NPEPL1: variants seen among roughly 807,000 people sequenced by gnomAD.
NPEPL1 encodes probable aminopeptidase NPEPL1.
Under a neutral mutation model 52.4 loss-of-function variants are expected in NPEPL1, and 45 were observed. The observed-to-expected ratio is 0.86, with a 90% CI of 0.68 to 1.10. The LOEUF is 1.10. Ranked by LOEUF, NPEPL1 falls within the 50% of genes least tolerant of loss-of-function variation. NPEPL1 has a pLI of 0.00. For synonymous variants in NPEPL1, 360 were observed against 314.7 expected (o/e 1.14, Z -1.52); for missense variants, 696 against 710.9 (o/e 0.98, Z 0.24).
chr20:58,706,777 T>C (rs1465539698), intron 6 of NPEPL1, among the ~76,000 whole-genome samples: 3 of 152,114 alleles, frequency 2.0e-5, no homozygotes, highest in African/African-American at 2.4e-5. Flanking sequence ...GGGGTCCCTG[T>C]TTCAATGTCA....
intron 7 of NPEPL1, among the ~76,000 whole-genome samples, chr20:58,710,479 G>A (rs992120906): frequency 1.7e-4 from 26 of 149,930 alleles, no homozygotes; most frequent in African/African-American, 5.3e-4. Flanking sequence ...GGGTGTTAGC[G>A]ACCCTCCAAG....
intron 4 of NPEPL1, 137 bp downstream of exon 4, chr20:58,698,910 C>T: frequency 1.4e-6 from 1 of 737,506 alleles, no homozygotes; most frequent in Non-Finnish European, 2.2e-6. Flanking sequence ...CGGCGGAGCG[C>T]TGCTGTCTGC....
chr20:58,714,425 C>A, intron 10 of NPEPL1, 135 bp from the exon 11 acceptor site: 1 of 653,356 alleles, frequency 1.5e-6, no homozygotes, highest in South Asian at 2.0e-5. Context: ...AGCCCAGCTT[C>A]TGCTGCCTCC....
intron 1 of NPEPL1, 157 bp from the exon 2 acceptor site, chr20:58,693,580 G>A (rs1284173045): frequency 3.2e-6 from 2 of 619,280 alleles, no homozygotes; most frequent in Non-Finnish European, 5.6e-6. Flanking sequence ...GCAGAGAGGC[G>A]ACACATCTCC....
chr20:58,705,658 G>A, intron 6 of NPEPL1: 3 of 428,064 alleles, frequency 7.0e-6, no homozygotes, highest in Non-Finnish European at 9.6e-6. Context: ...AACATATGGG[G>A]GCTGGTGAAA....
intron 6 of NPEPL1, chr20:58,703,422 A>C: frequency 1.0e-6 from 1 of 967,376 alleles, no homozygotes; most frequent in Non-Finnish European, 1.2e-6. Flanking sequence ...CGCCACAGAT[A>C]GTGCACCCCC....
chr20:58,695,428 G>T (rs2084467395), intron 3 of NPEPL1, among the ~76,000 whole-genome samples: 1 of 150,556 alleles, frequency 6.6e-6, no homozygotes, highest in African/African-American at 2.4e-5. Context: ...AGGCTGCAAG[G>T]CCGGAAGTGA....
chr20:58,700,139 C>T lies in NPEPL1; in HGVS notation c.679+861C>T, dbSNP rs778305902. On this transcript the variant is annotated intron_variant, in intron 5 of 11. Transcript: ENST00000356091. ...CCACCCTCCGAGCAAGGTCTCTGAGCGAGAGATAGGGATAAAGAGCGAGCA... is the reference window on the plus strand; with the variant it reads ...CCACCCTCCGAGCAAGGTCTCTGAGTGAGAGATAGGGATAAAGAGCGAGCA... Among the ~76,000 whole-genome samples, 6 of 152,174 alleles carry T rather than the reference C, an allele frequency of 3.9e-5. No individual in the cohort carries two copies. The South Asian group carries it at 6.2e-4, about 16-fold the overall frequency.
At chr20:58,714,304 G>T (rs2084913317) in intron 10 of NPEPL1, 2 of 625,534 alleles carry the variant, frequency 3.2e-6, no homozygotes, top group East Asian at 3.0e-5. Context: ...ACAGCCAAGG[G>T]TTTCTCCCCC....
intron 7 of NPEPL1, among the ~76,000 whole-genome samples, chr20:58,708,725 C>G (rs987674363): frequency 2.0e-5 from 3 of 152,192 alleles, no homozygotes; most frequent in African/African-American, 7.2e-5. Flanking sequence ...CCTGGCCCTC[C>G]TCCTTGCCTC....
rs188041173 is a variant in NPEPL1 at position 58,711,142 on chromosome 20, C to T, written c.901-1337C>T. On this transcript the variant is annotated intron_variant, in intron 7 of 11. Coordinates refer to ENST00000356091, the MANE Select transcript of NPEPL1 (RefSeq NM_024663.4). ...CCCCCTCTCCTCCTCCTCCCCACGC[C>T]CCAGCAGGCTACAGATCCAGAACTC... 1.1e-3 allele frequency: 131 copies of T among 114,648 alleles called. 1 individual carries two copies. The highest frequency in any genetic ancestry group is 6.0e-3 in the African/African-American group (127 of 21,248). The allele number at this position is 114,648 out of a possible 1,614,324, so 7.1% of individuals were successfully genotyped here. A position where few individuals can be genotyped will look rare whatever the true frequency, so the allele number is the denominator to read the frequency against.
Position 58,693,760 on chromosome 20 carries a change from G to T in NPEPL1, c.174G>T (p.Thr58=). 2 of 1,610,844 alleles carry T rather than the reference G, an allele frequency of 1.2e-6. No homozygotes were observed. Among genetic ancestry groups the T allele is most frequent in the Non-Finnish European group, 1.7e-6 (2 of 1,177,568 alleles). The change falls in exon 2 of 12, where the codon ACG becomes ACT. Residue 58 remains threonine (T), a synonymous_variant. Transcript: ENST00000356091. ...TEELWQAALS[T]LNPNPTDSCP... The stretch of plus-strand genomic sequence containing the variant: ...AGCTCTGGCAGGCTGCCCTGAGCAC[G>T]CTCAACCCCAACCCCACGGACAGCT...
intron 6 of NPEPL1, among the ~76,000 whole-genome samples, chr20:58,701,858 G>A (rs188656084): frequency 1.3e-3 from 193 of 152,302 alleles, no homozygotes; most frequent in Middle Eastern, 3.4e-3. Flanking sequence ...AGCCTGTCCC[G>A]TGGTACGGCT....
rs567074946 is a variant in NPEPL1 at position 58,711,043 on chromosome 20, T to C, written c.901-1436T>C. On this transcript the variant is annotated intron_variant, in intron 7 of 11. Transcript: ENST00000356091. The stretch of plus-strand genomic sequence containing the variant: ...TCCCTGGGAGGCTGAAAGCATCCAT[T>C]TGGGAATCCTCCTCCTCCCCGCTCC... 842 of 139,876 alleles carry C rather than the reference T, an allele frequency of 6.0e-3. 2 individuals carry two copies. Among genetic ancestry groups the C allele is most frequent in the Non-Finnish European group, 0.011 (705 of 65,502 alleles). 8.7% of individuals were successfully genotyped at this position (139,876 alleles called of 1,614,324 possible).
At chr20:58,700,774 G>A (rs1215380470) in intron 5 of NPEPL1, among the ~76,000 whole-genome samples, 3 of 152,140 alleles carry the variant, frequency 2.0e-5, no homozygotes, top group Admixed American at 2.0e-4. Flanking sequence ...TTCCCTTAGT[G>A]GGTTTTCTTG....
At position 58,699,264 on chromosome 20, in the gene NPEPL1, CG is replaced by C; in HGVS notation, c.666del (p.Arg223GlufsTer58). 1.2e-6 allele frequency: 2 copies of C among 1,606,520 alleles called. No homozygotes were observed. Among genetic ancestry groups the C allele is most frequent in the Non-Finnish European group, 1.7e-6 (2 of 1,176,454 alleles). ...PTIIRDEELK[T>X]RGFGGIYGVG... is the part of the protein sequence containing the mutation. ...ATCATCCGGGATGAGGAACTGAAGA[CG>C]AGAGGATTTGGAGGTGGGTGGGGGC... On this transcript the variant is annotated frameshift_variant, in exon 5 of 12. Coordinates refer to ENST00000356091, the MANE Select transcript of NPEPL1 (RefSeq NM_024663.4). LOFTEE classifies it high-confidence loss of function.
chr20:58,698,455 C>A (rs1293005807), intron 3 of NPEPL1, among the ~76,000 whole-genome samples: 2 of 151,922 alleles, frequency 1.3e-5, no homozygotes, highest in Non-Finnish European at 2.9e-5. Flanking sequence ...TGTGGAGGCG[C>A]AGGGTGGTGG....
Position 58,712,271 on chromosome 20 carries a change from G to A in NPEPL1, c.901-208G>A, listed in dbSNP as rs2084864623. Among the ~76,000 whole-genome samples, 3 of 152,222 alleles carry A rather than the reference G, an allele frequency of 2.0e-5. No individual in the cohort carries two copies. In the South Asian group the frequency reaches 6.2e-4, roughly 31 times the overall value. ...CTGCGGCGGGTGGCCTCTGCCAGGG[G>A]AGGCTAGGAAACCCCAGTGGTGAGC... On this transcript the variant is annotated intron_variant, in intron 7 of 11. Transcript: ENST00000356091.
At chr20:58,698,829 T>A (rs2296526) in intron 4 of NPEPL1, 56 bp downstream of exon 4, 2 of 1,461,494 alleles carry the variant, frequency 1.4e-6, no homozygotes, top group Non-Finnish European at 9.5e-7. Flanking sequence ...TGTCATAGAC[T>A]CCCAGGAGAG....
Sources: allele counts gnomAD v4.1 joint callset (sites outside exome capture counted in the v4.1 genomes callset), GRCh38; gene constraint gnomAD v4.1.1; transcripts MANE v1.5; gene names NCBI Gene and HGNC (gene_info 2026-07-23, HGNC 2026-07-21).